MACROD1: variants seen among roughly 807,000 people sequenced by gnomAD.
MACROD1 encodes the protein mono-ADP ribosylhydrolase 1.
Under a neutral mutation model 41.4 loss-of-function variants are expected in MACROD1, and 31 were observed. The observed-to-expected ratio is 0.75, with a 90% CI of 0.56 to 1.01. MACROD1 has a LOEUF of 1.01. Among genes scored for constraint, MACROD1 ranks in the 50% least tolerant of loss-of-function variants. The pLI, the probability that MACROD1 is intolerant of heterozygous loss-of-function variation, is 0.00. For synonymous variants in MACROD1, 252 were observed against 203.4 expected (o/e 1.24, Z -2.03); for missense variants, 473 against 460.0 (o/e 1.03, Z -0.26).
At chr11:64,065,634 CA>C (rs779478622) in intron 3 of MACROD1, among the ~76,000 whole-genome samples, 1 of 151,024 alleles carries the variant, frequency 6.6e-6, no homozygotes, top group African/African-American at 2.4e-5. Flanking sequence ...CTAAAAAATA[CA>C]AAAAATTAGC....
chr11:64,117,355 T>C (rs763699368), intron 3 of MACROD1: 7 of 1,613,658 alleles, frequency 4.3e-6, no homozygotes, highest in Non-Finnish European at 5.9e-6. Flanking sequence ...CCTGAGAAGG[T>C]CCGGGGCATG....
chr11:64,093,296 C>T (rs1218938097), intron 3 of MACROD1, among the ~76,000 whole-genome samples: 1 of 152,222 alleles, frequency 6.6e-6, no homozygotes, highest in Non-Finnish European at 1.5e-5. Flanking sequence ...AGAACTCGAT[C>T]GAGTCAGCTG....
At chr11:64,125,457 A>C (rs1232880284) in intron 3 of MACROD1, among the ~76,000 whole-genome samples, 1 of 152,188 alleles carries the variant, frequency 6.6e-6, no homozygotes, top group Non-Finnish European at 1.5e-5. Context: ...CAACGGAACG[A>C]GGCCGCCTCC....
At chr11:64,128,788 G>A (rs758162415) in intron 3 of MACROD1, among the ~76,000 whole-genome samples, 2 of 146,626 alleles carry the variant, frequency 1.4e-5, no homozygotes, top group Non-Finnish European at 3.0e-5. Context: ...CCCACGCCTC[G>A]CTTGGCTGAG....
chr11:64,095,274 G>A (rs1944556912), intron 3 of MACROD1, among the ~76,000 whole-genome samples: 1 of 152,178 alleles, frequency 6.6e-6, no homozygotes, highest in African/African-American at 2.4e-5. Flanking sequence ...TTCTTTTGAA[G>A]TGTTACAACC....
In MACROD1 at chr11:63,999,029, C is replaced by G; in HGVS notation, c.899G>C (p.Arg300Pro). 6.2e-7 allele frequency: 1 copy of G among 1,603,982 alleles called. No homozygotes were observed. The highest frequency in any genetic ancestry group is 8.5e-7 in the Non-Finnish European group (1 of 1,176,132). ...WLEQHKDKVD[R>P]LIICVFLEKD... ...CTCGAGGAACACGCAGATGATCAGC[C>G]GGTCCACCTGCGCCAGGGGCTGCTC... Residue 300 changes from arginine to proline, a missense_variant, in exon 9 of 11, where the codon CGG becomes CCG. Physicochemically the swap from Arg to Pro is moderately radical, Grantham distance 103. Coordinates refer to ENST00000255681, the MANE Select transcript of MACROD1 (RefSeq NM_014067.4).
rs1942755754 is a variant in MACROD1, at chr11:63,998,687, T to G, written c.*31A>C. The G allele has an allele frequency of 2.2e-6, 3 of 1,343,158 alleles. No homozygotes were observed. Among genetic ancestry groups the G allele is most frequent in the South Asian group, 2.0e-5 (1 of 48,932 alleles). The allele number at this position is 1,343,158 out of a possible 1,614,324, so 83.2% of individuals were successfully genotyped here. Reference sequence around the variant, plus strand: ...CTGGGAGCGGGGTCCCGAAGGCGGGTCTGAGGGCAGAGCAGAGTCAGAGGT... The same window carrying G: ...CTGGGAGCGGGGTCCCGAAGGCGGGGCTGAGGGCAGAGCAGAGTCAGAGGT... On this transcript the variant is annotated splice_region_variant and 3_prime_UTR_variant, in exon 11 of 11. Transcript: ENST00000255681.
intron 1 of MACROD1, among the ~76,000 whole-genome samples, chr11:64,165,209 C>G (rs138602743): frequency 9.4e-4 from 143 of 152,274 alleles, no homozygotes; most frequent in Non-Finnish European, 1.7e-3. Context: ...CCAGGTGGGA[C>G]GCCAGCCCCG....
chr11:64,096,938 G>A lies in MACROD1; in HGVS notation c.517+54301C>T, dbSNP rs1053319982. Among the ~76,000 whole-genome samples the A allele has an allele frequency of 1.9e-4, 29 of 152,176 alleles. No individual in the cohort carries two copies. Among genetic ancestry groups the A allele is most frequent in the Admixed American group, 1.6e-3 (25 of 15,286 alleles). On this transcript the variant is annotated intron_variant, in intron 3 of 10. Coordinates refer to ENST00000255681, the MANE Select transcript of MACROD1 (RefSeq NM_014067.4). This position sits in a 1 kb window ranked among gnomAD's most constrained non-coding sequence, Gnocchi z 4.6. ...TGCGAGTGGCCCTTGCTGGTCCCCC[G>A]CTCACCCACTCTCTCAGCGTCTGGG...
intron 4 of MACROD1, among the ~76,000 whole-genome samples, chr11:64,011,139 C>T (rs1378639851): frequency 2.6e-5 from 3 of 113,602 alleles, no homozygotes; most frequent in East Asian, 5.4e-4. Flanking sequence ...TTGGTTGGCA[C>T]GAGTTGGTTG....
At chr11:64,007,209 C>G (rs1942927508) in intron 4 of MACROD1, among the ~76,000 whole-genome samples, 1 of 152,226 alleles carries the variant, frequency 6.6e-6, no homozygotes, top group Non-Finnish European at 1.5e-5. Context: ...GGGCGACGTG[C>G]CACGTGCCAG....
At chr11:64,157,088 CTG>C (rs1192902676) in intron 1 of MACROD1, among the ~76,000 whole-genome samples, 2 of 152,042 alleles carry the variant, frequency 1.3e-5, no homozygotes, top group African/African-American at 2.4e-5. Flanking sequence ...CCACGCATTT[CTG>C]TGTTTTTTTT....
chr11:64,130,197 G>GCAAGGGCACGTGCAA (rs1945245487), intron 3 of MACROD1, among the ~76,000 whole-genome samples: 1 of 152,218 alleles, frequency 6.6e-6, no homozygotes, highest in Non-Finnish European at 1.5e-5. Context: ...ACTGAGATTA[G>GCAAGGGCACGTGCAA]GGGCACGTGT....
intron 4 of MACROD1, among the ~76,000 whole-genome samples, chr11:64,006,417 C>A (rs963247403): frequency 1.3e-5 from 2 of 152,204 alleles, no homozygotes; most frequent in Non-Finnish European, 2.9e-5. Flanking sequence ...CTCACCAGGC[C>A]CCACCCTCTC....
At chr11:64,007,447 G>GGAGAGTCCGGGAT (rs1274709313) in intron 4 of MACROD1, among the ~76,000 whole-genome samples, 1 of 152,204 alleles carries the variant, frequency 6.6e-6, no homozygotes, top group Non-Finnish European at 1.5e-5. Flanking sequence ...GAGATGGGGA[G>GGAGAGTCCGGGAT]GAGAGTCCGG....
chr11:64,023,734 C>T (rs1029977251), intron 3 of MACROD1, among the ~76,000 whole-genome samples: 11 of 152,130 alleles, frequency 7.2e-5, no homozygotes, highest in African/African-American at 1.9e-4. Context: ...TACCTCAGAG[C>T]GGCCTCCTTC....
intron 3 of MACROD1, among the ~76,000 whole-genome samples, chr11:64,074,258 T>A (rs1211497310): frequency 6.6e-6 from 1 of 152,192 alleles, no homozygotes; most frequent in East Asian, 1.9e-4. Flanking sequence ...CTTTCCTCTT[T>A]CTCAGGTGTG....
chr11:64,038,950 G>A (rs1002632205), intron 3 of MACROD1, among the ~76,000 whole-genome samples: 12 of 152,208 alleles, frequency 7.9e-5, no homozygotes, highest in Admixed American at 4.6e-4. Flanking sequence ...GAGAGGATGC[G>A]TATGAGGTTT....
In MACROD1 at chr11:64,165,947, C is replaced by T. The variant is rs1734711767; in HGVS notation, c.48G>A (p.Ala16=). ...GCGGGGGGACGAGCAGCTGCCCCGC[C>T]GCGCGCAGCTGTGCCAGGCGGCCGG... The part of the protein sequence containing the change: ...RLSGRLAQLR[A]AGQLLVPPRP... The change falls in exon 1 of 11, where the codon GCG becomes GCA. Residue 16 remains alanine (A), a synonymous_variant. Coordinates refer to ENST00000255681, the MANE Select transcript of MACROD1 (RefSeq NM_014067.4). The T allele has an allele frequency of 3.0e-6, 4 of 1,316,290 alleles. No individual in the cohort carries two copies. The highest frequency in any genetic ancestry group is 4.2e-5 in the Admixed American group (1 of 24,038). The allele number at this position is 1,316,290 out of a possible 1,614,324, so 81.5% of individuals were successfully genotyped here. A position where few individuals can be genotyped will look rare whatever the true frequency, so the allele number is the denominator to read the frequency against.
Sources: gnomAD v4.1 joint callset for allele counts (sites outside exome capture counted in the v4.1 genomes callset) on GRCh38, gnomAD v4.1.1 for gene constraint, Gnocchi (gnomAD v3.1) non-coding constraint, MANE v1.5 for transcripts, NCBI Gene and HGNC (gene_info 2026-07-23, HGNC 2026-07-21) for gene names.